UTP20: variants seen among roughly 807,000 people sequenced by gnomAD.
UTP20 encodes UTP20 small subunit processome component.
A neutral mutation model predicts 329.5 loss-of-function variants in UTP20; 164 were observed. That is an observed-to-expected ratio of 0.50 (90% CI 0.44 to 0.57). The LOEUF (loss-of-function observed/expected upper bound fraction) is 0.57, where lower values mean the gene tolerates loss of function less well. Ranked by LOEUF, UTP20 falls within the 20% of genes least tolerant of loss-of-function variation. The pLI is 0.00. For missense variants in UTP20, 3,055 were observed against 3,284.2 expected, an observed-to-expected ratio of 0.93 and a Z score of 1.71; for synonymous variants, 1,151 against 1,159.3, an observed-to-expected ratio of 0.99 and a Z score of 0.14.
At chr12:101,340,498 A>G (rs534302301) in intron 31 of UTP20, 25 bp from the exon 32 acceptor site, 1 of 1,430,100 alleles carries the variant, frequency 7.0e-7, no homozygotes, top group Admixed American at 1.8e-5. Context: ...TATGTTCCTT[A>G]TATATCCGTT....
At chr12:101,377,685 A>G (rs1870520627) in intron 56 of UTP20, among the ~76,000 whole-genome samples, 1 of 152,042 alleles carries the variant, frequency 6.6e-6, no homozygotes, top group East Asian at 1.9e-4. Context: ...ACAGCAGGGA[A>G]GGGGAAGTTT....
At chr12:101,339,598 G>GT (rs1869053306) in intron 31 of UTP20, among the ~76,000 whole-genome samples, 1 of 152,120 alleles carries the variant, frequency 6.6e-6, no homozygotes, top group African/African-American at 2.4e-5. Flanking sequence ...TGGAATTGCA[G>GT]TTTTTTACTC....
intron 54 of UTP20, 82 bp downstream of exon 54, chr12:101,373,849 C>A: frequency 1.3e-5 from 18 of 1,438,726 alleles, no homozygotes; most frequent in Non-Finnish European, 1.7e-5. Flanking sequence ...ATGTCATACA[C>A]TGTTGAATTG....
intron 21 of UTP20, among the ~76,000 whole-genome samples, chr12:101,316,296 T>C (rs997624414): frequency 7.2e-5 from 11 of 152,194 alleles, no homozygotes; most frequent in Admixed American, 5.2e-4. Flanking sequence ...TGGACACTCT[T>C]ATGGATGCTT....
In UTP20 at chr12:101,374,956, G is replaced by A. The variant is rs1565808542; in HGVS notation, c.7263+17G>A. ...TTTAAAGATGTAAGTAATTTGCTAG[G>A]GAATAAAACTTTTCTAACTTATAGT... On this transcript the variant is annotated intron_variant, in intron 55 of 61. Coordinates refer to ENST00000261637, the MANE Select transcript of UTP20 (RefSeq NM_014503.3). The A allele has an allele frequency of 6.3e-7, 1 of 1,596,180 alleles. No individual in the cohort carries two copies. The highest frequency in any genetic ancestry group is 8.6e-7 in the Non-Finnish European group (1 of 1,164,660).
chr12:101,310,722 A>G (rs180902312), intron 19 of UTP20, among the ~76,000 whole-genome samples: 211 of 152,226 alleles, frequency 1.4e-3, no homozygotes, highest in African/African-American at 4.8e-3. Flanking sequence ...CAAAACCCCA[A>G]CGATTAGTTA....
chr12:101,375,058 T>A, intron 55 of UTP20, 119 bp downstream of exon 55: 2 of 655,680 alleles, frequency 3.1e-6, no homozygotes, highest in Non-Finnish European at 5.0e-6. Context: ...CTATAGCTAT[T>A]TATAGCTAAT....
intron 17 of UTP20, 123 bp downstream of exon 17, chr12:101,306,884 A>AT (rs1872653833): frequency 5.7e-6 from 6 of 1,059,530 alleles, no homozygotes; most frequent in South Asian, 2.1e-5. Flanking sequence ...GTAAAAATTG[A>AT]TTTTTTTGGC....
chr12:101,319,612 A>C lies in UTP20; in HGVS notation c.2806A>C (p.Lys936Gln). ...SNPRALYLES[K>Q]LYELYLQLLL... ...TCCACGGGCCTTATATCTGGAATCC[A>C]AACTATATGAGTTATATCTTCAGGT... is the stretch of plus-strand genomic sequence containing the variant. The change falls in exon 23 of 62, where the codon AAA (lysine) becomes CAA (glutamine). Residue 936 changes from lysine (K) to glutamine (Q), a missense_variant. Lys to Gln is a moderately conservative substitution (Grantham distance 53). Coordinates refer to ENST00000261637, the MANE Select transcript of UTP20 (RefSeq NM_014503.3). 6.2e-7 allele frequency: 1 copy of C among 1,607,306 alleles called. No homozygotes were observed. Among genetic ancestry groups the C allele is most frequent in the Non-Finnish European group, 8.5e-7 (1 of 1,178,896 alleles).
intron 60 of UTP20, among the ~76,000 whole-genome samples, chr12:101,384,570 G>A (rs1173080902): frequency 1.3e-5 from 2 of 152,102 alleles, no homozygotes; most frequent in Admixed American, 6.5e-5. Context: ...AAAAATATAA[G>A]TATTATCATT....
At chr12:101,356,183 G>A (rs1215186978) in intron 41 of UTP20, among the ~76,000 whole-genome samples, 2 of 152,196 alleles carry the variant, frequency 1.3e-5, no homozygotes, top group Non-Finnish European at 2.9e-5. Flanking sequence ...CTGGAGTGCA[G>A]TGGCACGATC....
At chr12:101,357,207 A>G in intron 43 of UTP20, 125 bp downstream of exon 43, 1 of 850,356 alleles carries the variant, frequency 1.2e-6, no homozygotes, top group Non-Finnish European at 1.7e-6. Context: ...TCTGAGCAGT[A>G]ATATTCAAAA....
chr12:101,308,107 C>T, intron 17 of UTP20, 78 bp from the exon 18 acceptor site: 2 of 1,288,660 alleles, frequency 1.6e-6, no homozygotes, highest in Non-Finnish European at 1.0e-6. Context: ...ATTTTTAGAC[C>T]TTTGGTCACA....
At position 101,338,000 on chromosome 12, in the gene UTP20, G is replaced by A. The variant is rs150955558; in HGVS notation, c.3642-51G>A. The A allele has an allele frequency of 3.9e-6, 6 of 1,529,442 alleles. No individual in the cohort carries two copies. The East Asian group carries it at 9.0e-5, about 23-fold the overall frequency. 94.7% of individuals were successfully genotyped at this position (1,529,442 alleles called of 1,614,324 possible). On this transcript the variant is annotated intron_variant, in intron 29 of 61. Coordinates refer to ENST00000261637, the MANE Select transcript of UTP20 (RefSeq NM_014503.3). ...GAAAATTCATATGGACATGTTTTTA[G>A]AAGTGAACATATTGAGAATAAGATG...
intron 52 of UTP20, 109 bp from the exon 53 acceptor site, chr12:101,373,292 C>T: frequency 9.2e-7 from 1 of 1,088,428 alleles, no homozygotes; most frequent in Non-Finnish European, 1.3e-6. Flanking sequence ...GAGCATTTTC[C>T]ATTTTTTTAA....
rs1215529686 is a variant in UTP20, at chr12:101,363,613, A to G, written c.5828A>G (p.Glu1943Gly). ...GAGTTGTTTGGTGCTGTTGCTGAAG[A>G]GAAGGAAGTAAAGCAGATCCTCTCC... ...NHELFGAVAEEKEVKQILSKV... is the reference protein window; with the variant it reads ...NHELFGAVAEGKEVKQILSKV... The change falls in exon 45 of 62, where the codon GAG becomes GGG. Residue 1943 changes from glutamate (E) to glycine (G), a missense_variant. Around this residue, in one of 3 missense-constraint regions of UTP20, gnomAD observed 2,445 missense variants for 2,575.5 expected, o/e 0.95. Transcript: ENST00000261637. The G allele has an allele frequency of 6.2e-7, 1 of 1,613,896 alleles. No individual in the cohort carries two copies. The highest frequency in any genetic ancestry group is 1.1e-5 in the South Asian group (1 of 91,038).
At chr12:101,321,099 G>T (rs963762799) in intron 24 of UTP20, among the ~76,000 whole-genome samples, 162 bp downstream of exon 24, 1 of 152,128 alleles carries the variant, frequency 6.6e-6, no homozygotes, top group African/African-American at 2.4e-5. Context: ...TAGTATATTT[G>T]TTGGGTTGTT....
intron 3 of UTP20, 45 bp from the exon 4 acceptor site, chr12:101,285,704 T>C: frequency 6.2e-7 from 1 of 1,613,322 alleles, no homozygotes; most frequent in Non-Finnish European, 8.5e-7. Context: ...TACAGCTGAA[T>C]AGTGGTGTGA....
Position 101,289,027 on chromosome 12 carries a change from T to C in UTP20, c.583T>C (p.Phe195Leu), listed in dbSNP as rs1444997495. 6.2e-7 allele frequency: 1 copy of C among 1,613,028 alleles called. No homozygotes were observed. The highest frequency in any genetic ancestry group is 8.5e-7 in the Non-Finnish European group (1 of 1,179,250). Residue 195 changes from phenylalanine to leucine, a missense_variant, in exon 6 of 62, where the codon TTT becomes CTT. This residue lies in a region of UTP20 where 2,445 missense variants were observed against 2,575.5 expected (regional missense o/e 0.95). Coordinates refer to ENST00000261637, the MANE Select transcript of UTP20 (RefSeq NM_014503.3). ...AAATTTTGCTGCTGAAAGTTTTACTTTTTTGATGAGAAAGGTTAGTCTGGT... is the reference window on the plus strand; with the variant it reads ...AAATTTTGCTGCTGAAAGTTTTACTCTTTTGATGAGAAAGGTTAGTCTGGT... Reference protein sequence around the residue: ...IRNFAAESFTFLMRKVSDKNA... With the variant: ...IRNFAAESFTLLMRKVSDKNA...
Sources: allele counts gnomAD v4.1 joint callset (sites outside exome capture counted in the v4.1 genomes callset), GRCh38; gene constraint gnomAD v4.1.1; regional missense constraint gnomAD v4.1.1; transcripts MANE v1.5; gene names NCBI Gene and HGNC (gene_info 2026-07-23, HGNC 2026-07-21).